NXN: variants seen among roughly 807,000 people sequenced by gnomAD.
NXN encodes the protein nucleoredoxin, also known as nucleoredoxin 1.
In NXN, 16 loss-of-function variants were observed where a neutral mutation model predicts 48.6. The ratio of observed to expected loss-of-function variants is 0.33; its 90% CI spans 0.22 to 0.50. NXN has a LOEUF of 0.50. Ranked by LOEUF, NXN falls within the 20% of genes least tolerant of loss-of-function variation. NXN has a pLI of 0.98. For missense variants in NXN, 492 were observed against 605.5 expected (o/e 0.81, Z 1.97); for synonymous variants, 281 against 269.6 (o/e 1.04, Z -0.41).
chr17:841,651 C>CAGGTCCACCCTGACCACGGA (rs1597653450), intron 1 of NXN, among the ~76,000 whole-genome samples: 2 of 101,222 alleles, frequency 2.0e-5, no homozygotes, highest in East Asian at 2.8e-4. Context: ...CTGACCACAG[C>CAGGTCCACCCTGACCACGGA]GCATCTCACG....
intron 5 of NXN, among the ~76,000 whole-genome samples, chr17:808,592 G>A (rs939370426): frequency 6.6e-6 from 1 of 151,848 alleles, no homozygotes; most frequent in African/African-American, 2.4e-5. Flanking sequence ...ACCATGCCCG[G>A]CCAGTGTAAA....
intron 1 of NXN, among the ~76,000 whole-genome samples, chr17:871,270 T>C (rs921669540): frequency 6.6e-6 from 1 of 151,972 alleles, no homozygotes; most frequent in Non-Finnish European, 1.5e-5. Flanking sequence ...ACCCCGAAGC[T>C]CCAGGGTTAG....
intron 1 of NXN, among the ~76,000 whole-genome samples, chr17:838,812 T>G (rs76976146): frequency 0.047 from 7,094 of 152,238 alleles, 278 homozygotes; most frequent in East Asian, 0.24. Context: ...GCCCTACAGC[T>G]GCCTCCCTTC....
At chr17:894,701 G>A (rs1181782705) in intron 1 of NXN, among the ~76,000 whole-genome samples, 4 of 152,200 alleles carry the variant, frequency 2.6e-5, no homozygotes, top group African/African-American at 9.7e-5. Flanking sequence ...GGGTCCTGCC[G>A]GGGGCAGCCT....
chr17:979,166 G>GGGGGGCGGGGGACT (rs2069502128), intron 1 of NXN, among the ~76,000 whole-genome samples, 153 bp downstream of exon 1: 1 of 90,790 alleles, frequency 1.1e-5, no homozygotes, highest in Non-Finnish European at 2.2e-5. Context: ...ACAGTGGGTC[G>GGGGGGCGGGGGACT]GGGGGCGGGG....
intron 1 of NXN, chr17:864,024 G>T (rs1260105121): frequency 1.3e-6 from 2 of 1,515,304 alleles, no homozygotes; most frequent in Non-Finnish European, 1.8e-6. Context: ...CCGTTGCTGG[G>T]TTCCGGTGAA....
chr17:938,708 CAAAA>C (rs1430238633), intron 1 of NXN, among the ~76,000 whole-genome samples: 9 of 150,998 alleles, frequency 6.0e-5, no homozygotes, highest in Admixed American at 5.9e-4. Context: ...AAAACAAAAA[CAAAA>C]AGAAAGAAAA....
chr17:953,753 T>C (rs2069137465), intron 1 of NXN, among the ~76,000 whole-genome samples: 1 of 151,958 alleles, frequency 6.6e-6, no homozygotes, highest in Non-Finnish European at 1.5e-5. Context: ...CTGGGCAACA[T>C]AGTGAGACCC....
At chr17:904,637 G>A (rs191177169) in intron 1 of NXN, among the ~76,000 whole-genome samples, 5 of 152,058 alleles carry the variant, frequency 3.3e-5, no homozygotes, top group Admixed American at 1.3e-4. Flanking sequence ...TCTGCCTCCC[G>A]GGTTCAAGCG....
chr17:829,220 G>A (rs549323964), intron 1 of NXN, among the ~76,000 whole-genome samples: 8 of 151,274 alleles, frequency 5.3e-5, no homozygotes, highest in Non-Finnish European at 1.0e-4. Flanking sequence ...ACAGTGGCAC[G>A]ATCTTGGCTC....
chr17:881,934 G>A (rs1034923101), intron 1 of NXN, among the ~76,000 whole-genome samples: 5 of 152,126 alleles, frequency 3.3e-5, no homozygotes, highest in South Asian at 2.1e-4. Context: ...AAACCAAAGC[G>A]ACGGATGGGA....
At position 929,412 on chromosome 17, in the gene NXN, G is replaced by A. The variant is rs963186688; in HGVS notation, c.360+49907C>T. Among the ~76,000 whole-genome samples the A allele has an allele frequency of 1.3e-5, 2 of 152,214 alleles. 1 individual carries two copies. The highest frequency in any genetic ancestry group is 4.8e-5 in the African/African-American group (2 of 41,454). ...TCGGTCTTCACTTACAGCTTTTGCA[G>A]GTTTAGCTCCTGTAGCAAGATCCAA... On this transcript the variant is annotated intron_variant, in intron 1 of 7. Coordinates refer to ENST00000336868, the MANE Select transcript of NXN (RefSeq NM_022463.5).
At chr17:930,384 G>A (rs915625471) in intron 1 of NXN, 4 of 151,888 alleles carry the variant, frequency 2.6e-5, no homozygotes, top group African/African-American at 9.7e-5. Context: ...CCAGTGAGTT[G>A]AGATCGTGCC....
chr17:882,637 T>G (rs1476452099), intron 1 of NXN, among the ~76,000 whole-genome samples: 1 of 149,282 alleles, frequency 6.7e-6, no homozygotes. Flanking sequence ...GGCTAATTTT[T>G]TGTATTTTTA....
At chr17:832,706 G>A (rs1221379442) in intron 1 of NXN, among the ~76,000 whole-genome samples, 1 of 152,030 alleles carries the variant, frequency 6.6e-6, no homozygotes, top group Non-Finnish European at 1.5e-5. Flanking sequence ...TCTCTGGATG[G>A]GTAAGAAACT....
intron 5 of NXN, among the ~76,000 whole-genome samples, chr17:809,796 G>A (rs930054168): frequency 1.3e-5 from 2 of 152,286 alleles, no homozygotes; most frequent in Non-Finnish European, 2.9e-5. Flanking sequence ...GCACAGTGCC[G>A]TGTGCATGTG....
intron 5 of NXN, among the ~76,000 whole-genome samples, chr17:814,924 C>T (rs146520405): frequency 2.0e-5 from 3 of 152,176 alleles, no homozygotes. Context: ...CACCACCACG[C>T]CTGGCTAATT....
chr17:941,105 C>T (rs1329307350), intron 1 of NXN, among the ~76,000 whole-genome samples: 131 of 112,710 alleles, frequency 1.2e-3, no homozygotes, highest in Admixed American at 1.5e-3. Flanking sequence ...CAGCCATGAA[C>T]TCACATCACA....
chr17:892,650 T>G (rs533492972), intron 1 of NXN, among the ~76,000 whole-genome samples: 6 of 151,700 alleles, frequency 4.0e-5, no homozygotes, highest in East Asian at 1.9e-4. Context: ...GTGGGGTGTG[T>G]GGGGGGGTGC....
Sources: gnomAD v4.1 joint callset for allele counts (sites outside exome capture counted in the v4.1 genomes callset) on GRCh38, gnomAD v4.1.1 for gene constraint, MANE v1.5 for transcripts, NCBI Gene and HGNC (gene_info 2026-07-23, HGNC 2026-07-21) for gene names.